HLA-F: variants seen among roughly 807,000 people sequenced by gnomAD.
HLA-F encodes HLA class I histocompatibility antigen, alpha chain F.
A neutral mutation model predicts 49.5 loss-of-function variants in HLA-F; 46 were observed. The ratio of observed to expected loss-of-function variants is 0.93; its 90% CI spans 0.73 to 1.19. The LOEUF is 1.19. Ranked by LOEUF, HLA-F falls within the 50% of genes most tolerant of loss-of-function variation. The pLI is 0.00. For missense variants in HLA-F, 496 were observed against 579.6 expected (o/e 0.86, Z 1.48); for synonymous variants, 203 against 233.5 (o/e 0.87, Z 1.19).
chr6:29,730,930 C>G (rs1158158809), downstream of HLA-F, among the ~76,000 whole-genome samples: 2 of 152,182 alleles, frequency 1.3e-5, no homozygotes, highest in African/African-American at 4.8e-5. Context: ...CCTGTCTCTG[C>G]TACCTGCCCC....
chr6:29,725,544 G>A lies in HLA-F; in HGVS notation c.984G>A (p.Met328Ile), dbSNP rs757609959. Reference sequence around the variant, plus strand: ...CTGGAGCTGTGGTCGCTGCTGTGATGTGGAGGAAGAAGAGCTCAGGTAGGA... The same window carrying A: ...CTGGAGCTGTGGTCGCTGCTGTGATATGGAGGAAGAAGAGCTCAGGTAGGA... Reference protein sequence around the residue: ...VVTGAVVAAVMWRKKSSDRNR... With the variant: ...VVTGAVVAAVIWRKKSSDRNR... Residue 328 changes from methionine to isoleucine, a missense_variant, in exon 5 of 7, where the codon ATG (methionine) becomes ATA (isoleucine). Physicochemically the swap from Met to Ile is conservative, Grantham distance 10 (BLOSUM62 1). Coordinates refer to ENST00000259951, the MANE Select transcript of HLA-F (RefSeq NM_001098479.2). 6.2e-7 allele frequency: 1 copy of A among 1,614,118 alleles called. No individual in the cohort carries two copies. The highest frequency in any genetic ancestry group is 1.1e-5 in the South Asian group (1 of 91,088).
intron 6 of HLA-F, chr6:29,726,596 G>A: frequency 2.0e-6 from 3 of 1,511,384 alleles, no homozygotes; most frequent in Non-Finnish European, 2.7e-6. Flanking sequence ...GAGAAAGAGT[G>A]AATAGAGAGA....
At chr6:29,727,452 T>C (rs1776215597), downstream of HLA-F, among the ~76,000 whole-genome samples, 1 of 152,234 alleles carries the variant, frequency 6.6e-6, no homozygotes, top group Non-Finnish European at 1.5e-5. Flanking sequence ...CTTTTTTCTT[T>C]TAGAATGGCA....
chr6:29,728,375 G>C (rs1056165042), downstream of HLA-F: 5 of 313,328 alleles, frequency 1.6e-5, no homozygotes, highest in African/African-American at 1.1e-4. Context: ...CTTCCCATGA[G>C]ACTGCATGCA....
intron 5 of HLA-F, 46 bp downstream of exon 5, chr6:29,725,609 G>C (rs776245686): frequency 6.6e-7 from 1 of 1,516,346 alleles, no homozygotes. Flanking sequence ...TGTCCCACTG[G>C]GGGTTGCAAG....
chr6:29,732,156 A>G (rs1259275504), downstream of HLA-F, among the ~76,000 whole-genome samples: 1 of 151,566 alleles, frequency 6.6e-6, no homozygotes, highest in Non-Finnish European at 1.5e-5. Flanking sequence ...TTTTGTAGAG[A>G]CAGGATTTTG....
Position 29,725,509 on chromosome 6 carries a change from G to A in HLA-F, c.949G>A (p.Ala317Thr). ...CGTTGCTGGCCTTGTTGTCCTTGGA[G>A]CTGTGGTCACTGGAGCTGTGGTCGC... ...GIVAGLVVLG[A>T]VVTGAVVAAV... The change falls in exon 5 of 7, where the codon GCT (alanine) becomes ACT (threonine). Residue 317 changes from alanine (A) to threonine (T), a missense_variant. By Grantham distance (58) the Ala-to-Thr change is moderately conservative. Transcript: ENST00000259951. 1 of 1,614,092 alleles carries A rather than the reference G, an allele frequency of 6.2e-7. No homozygotes were observed. Among genetic ancestry groups the A allele is most frequent in the East Asian group, 2.2e-5 (1 of 44,882 alleles).
Position 29,723,917 on chromosome 6 carries a change from G to C in HLA-F, c.324G>C (p.Gln108His). 4.4e-6 allele frequency: 7 copies of C among 1,595,770 alleles called. No homozygotes were observed. The highest frequency in any genetic ancestry group is 4.3e-6 in the Non-Finnish European group (5 of 1,171,180). The change falls in exon 2 of 7, where the codon CAG becomes CAC. Residue 108 changes from glutamine (Q) to histidine (H), a missense_variant. Gln to His is a conservative substitution (Grantham distance 24, BLOSUM62 0). Transcript: ENST00000259951. ...GGAACCTGCTCCGCCGCTACAACCA[G>C]AGCGAGGCTGGTGAGTGAACCCGGC... ...ALRNLLRRYN[Q>H]SEAGSHTLQG...
At chr6:29,725,004 G>A (rs763224270) in intron 3 of HLA-F, 27 bp from the exon 4 acceptor site, 1 of 1,607,444 alleles carries the variant, frequency 6.2e-7, no homozygotes, top group Non-Finnish European at 8.5e-7. Context: ...GGAGTGCAAA[G>A]TGCCTGAATT....
chr6:29,728,404 C>T (rs893141207), downstream of HLA-F: 3 of 249,086 alleles, frequency 1.2e-5, no homozygotes, highest in African/African-American at 4.5e-5. Flanking sequence ...GATATGTGCA[C>T]ACATGACTTC....
intron 2 of HLA-F, 45 bp downstream of exon 2, chr6:29,723,972 C>A (rs1378390243): frequency 6.4e-7 from 1 of 1,565,142 alleles, no homozygotes; most frequent in South Asian, 1.2e-5. Context: ...CACCCCCCAT[C>A]CGCCACGGAC....
chr6:29,731,290 G>T (rs1201162505), downstream of HLA-F, among the ~76,000 whole-genome samples: 1 of 141,660 alleles, frequency 7.1e-6, no homozygotes, highest in African/African-American at 2.6e-5. Context: ...GACAAGAGGG[G>T]ATTTATTAGT....
chr6:29,726,258 G>T, intron 6 of HLA-F: 1 of 974,186 alleles, frequency 1.0e-6, no homozygotes, highest in Non-Finnish European at 1.7e-6. Flanking sequence ...CCTGATGTGA[G>T]TGGGGTGTTG....
At chr6:29,724,776 A>G (rs193250743) in intron 3 of HLA-F, among the ~76,000 whole-genome samples, 102 of 152,064 alleles carry the variant, frequency 6.7e-4, no homozygotes, top group South Asian at 1.0e-3. Flanking sequence ...CTCACACTCA[A>G]TGTGTTTGAG....
chr6:29,723,923 G>T lies in HLA-F; in HGVS notation c.330G>T (p.Glu110Asp), dbSNP rs766238291. Reference protein sequence around the residue: ...RNLLRRYNQSEAGSHTLQGMN... With the variant: ...RNLLRRYNQSDAGSHTLQGMN... ...TGCTCCGCCGCTACAACCAGAGCGAGGCTGGTGAGTGAACCCGGCCGGGGG... is the reference window on the plus strand; with the variant it reads ...TGCTCCGCCGCTACAACCAGAGCGATGCTGGTGAGTGAACCCGGCCGGGGG... The change falls in exon 2 of 7, where the codon GAG becomes GAT. Residue 110 changes from glutamate (E) to aspartate (D), a missense_variant. Transcript: ENST00000259951. 1.9e-6 allele frequency: 3 copies of T among 1,595,002 alleles called. No individual in the cohort carries two copies.
chr6:29,725,562 A>C lies in HLA-F; in HGVS notation c.1002A>C (p.Ser334=). ...CTGTGATGTGGAGGAAGAAGAGCTC[A>C]GGTAGGAAGGGGTGAGGAGTGGAGT... ...VAAVMWRKKS[S]DRNRGSYSQA... is the part of the protein sequence containing the mutation. The change falls in exon 5 of 7, where the codon TCA becomes TCC. Residue 334 remains serine, a splice_region_variant and synonymous_variant. Transcript: ENST00000259951. 1 of 1,612,850 alleles carries C rather than the reference A, an allele frequency of 6.2e-7. No homozygotes were observed. The highest frequency in any genetic ancestry group is 8.5e-7 in the Non-Finnish European group (1 of 1,178,850).
At position 29,723,493 on chromosome 6, in the gene HLA-F, C is replaced by G; in HGVS notation, c.30C>G (p.Leu10=). The G allele has an allele frequency of 6.2e-7, 1 of 1,613,644 alleles. No individual in the cohort carries two copies. Among genetic ancestry groups the G allele is most frequent in the Non-Finnish European group, 8.5e-7 (1 of 1,179,968 alleles). MAPRSLLLL[L]SGALALTDTW... ...CGCCCCGAAGCCTCCTCCTGCTGCTCTCAGGGGCCCTGGCCCTGACCGATA... is the reference window on the plus strand; with the variant it reads ...CGCCCCGAAGCCTCCTCCTGCTGCTGTCAGGGGCCCTGGCCCTGACCGATA... Residue 10 remains leucine, a synonymous_variant, in exon 1 of 7, where the codon CTC becomes CTG. Transcript: ENST00000259951.
At chr6:29,732,565 C>T (rs1776718797) in intron 3 of HLA-F, among the ~76,000 whole-genome samples, 1 of 152,066 alleles carries the variant, frequency 6.6e-6, no homozygotes, top group South Asian at 2.1e-4. Context: ...CCTGGCTCAG[C>T]ATCCTGAGTA....
At chr6:29,733,003 T>C (rs1776753368) in intron 3 of HLA-F, among the ~76,000 whole-genome samples, 1 of 151,888 alleles carries the variant, frequency 6.6e-6, no homozygotes, top group African/African-American at 2.4e-5. Context: ...GACTGGCCAA[T>C]ATGGCAAAAC....
Sources: gnomAD v4.1 joint callset for allele counts (sites outside exome capture counted in the v4.1 genomes callset) on GRCh38, gnomAD v4.1.1 for gene constraint, MANE v1.5 for transcripts, NCBI Gene and HGNC (gene_info 2026-07-23, HGNC 2026-07-21) for gene names.